The following TRPC4 variants were observed in gnomAD, a reference collection of about 807,000 sequenced individuals.
The protein encoded by TRPC4 is transient receptor potential cation channel subfamily C member 4.
In TRPC4, 49 loss-of-function variants were observed where a neutral mutation model predicts 99.4. The observed-to-expected ratio is 0.49, with a 90% confidence interval of 0.39 to 0.63. TRPC4 has a LOEUF of 0.63. Ranked by LOEUF, TRPC4 falls within the 20% of genes least tolerant of loss-of-function variation. The pLI, the probability that TRPC4 is intolerant of heterozygous loss-of-function variation, is 0.00. For synonymous variants in TRPC4, 454 were observed against 425.9 expected, an observed-to-expected ratio of 1.07 and a Z score of -0.81; for missense variants, 898 against 1,152.9, an observed-to-expected ratio of 0.78 and a Z score of 3.20.
intron 3 of TRPC4, among the ~76,000 whole-genome samples, chr13:37,728,033 G>T (rs902836935): frequency 6.6e-6 from 1 of 151,894 alleles, no homozygotes; most frequent in Non-Finnish European, 1.5e-5. Context: ...GGCATGGAAG[G>T]AAATTCTTGC....
intron 7 of TRPC4, 139 bp from the exon 8 acceptor site, chr13:37,651,598 C>A (rs1719722061): frequency 2.8e-6 from 2 of 718,354 alleles, no homozygotes; most frequent in Non-Finnish European, 4.6e-6. Flanking sequence ...CACTGACTCC[C>A]AGAGACAGTC....
At chr13:37,797,737 T>C (rs545248966) in intron 1 of TRPC4, among the ~76,000 whole-genome samples, 3 of 152,168 alleles carry the variant, frequency 2.0e-5, no homozygotes, top group Non-Finnish European at 4.4e-5. Flanking sequence ...GAATTTGTCA[T>C]CTCCTAAATA....
At chr13:37,745,436 G>T (rs1352461836) in intron 3 of TRPC4, among the ~76,000 whole-genome samples, 1 of 20,710 alleles carries the variant, frequency 4.8e-5, no homozygotes, top group Non-Finnish European at 1.5e-4. Context: ...ATATATATGC[G>T]TATATATATA....
At chr13:37,685,576 T>A (rs912895853) in intron 4 of TRPC4, among the ~76,000 whole-genome samples, 1 of 152,180 alleles carries the variant, frequency 6.6e-6, no homozygotes, top group Admixed American at 6.5e-5. Flanking sequence ...CTATTGTTAC[T>A]CTGTGCTAAT....
chr13:37,764,383 A>C (rs1956302247), intron 2 of TRPC4, among the ~76,000 whole-genome samples: 1 of 151,322 alleles, frequency 6.6e-6, no homozygotes, highest in Non-Finnish European at 1.5e-5. Flanking sequence ...TAATGTATAG[A>C]CCAACTTTGA....
chr13:37,663,832 A>G, intron 5 of TRPC4, 103 bp from the exon 6 acceptor site: 1 of 1,106,080 alleles, frequency 9.0e-7, no homozygotes, highest in Non-Finnish European at 1.3e-6. Context: ...GAACAAAATA[A>G]TTGATGACTT....
intron 2 of TRPC4, among the ~76,000 whole-genome samples, chr13:37,775,978 A>G (rs748163925): frequency 6.6e-6 from 1 of 151,856 alleles, no homozygotes; most frequent in Non-Finnish European, 1.5e-5. Context: ...CAATGAGACT[A>G]AGGAGGTTAA....
chr13:37,697,406 GCCTGAAATAACAGATAGAT>G (rs1953943412), intron 3 of TRPC4, among the ~76,000 whole-genome samples: 4 of 152,172 alleles, frequency 2.6e-5, no homozygotes, highest in Non-Finnish European at 5.9e-5. Context: ...TGTTAGTTAA[GCCTGAAATAACAGATAGAT>G]TTCGACAGTG....
intron 4 of TRPC4, among the ~76,000 whole-genome samples, 194 bp downstream of exon 4, chr13:37,691,805 G>C (rs1043907606): frequency 2.0e-5 from 3 of 152,190 alleles, no homozygotes; most frequent in Non-Finnish European, 2.9e-5. Context: ...CGTTTCTTAA[G>C]CTGATTTTGT....
chr13:37,750,496 T>A (rs1955904093), intron 2 of TRPC4, among the ~76,000 whole-genome samples: 1 of 152,184 alleles, frequency 6.6e-6, no homozygotes, highest in South Asian at 2.1e-4. Flanking sequence ...TAATGCCTTT[T>A]CTGTTTCAAT....
At position 37,802,839 on chromosome 13, in the gene TRPC4, C is replaced by T. The variant is rs549256142; in HGVS notation, c.-27-19479G>A. 3.9e-5 allele frequency among the ~76,000 whole-genome samples: 6 copies of T among 152,172 alleles called. No homozygotes were observed. In the East Asian group the frequency reaches 5.8e-4, roughly 15 times the overall value. On this transcript the variant is annotated intron_variant, in intron 1 of 10. Transcript: ENST00000379705. ...TCCTTACAGTTTTGCCCACTGATTT[C>T]GGTATACATCAGGGGATCTTGCCTG...
At chr13:37,670,903 C>T (rs1451750703) in intron 5 of TRPC4, among the ~76,000 whole-genome samples, 1 of 152,084 alleles carries the variant, frequency 6.6e-6, no homozygotes, top group Non-Finnish European at 1.5e-5. Flanking sequence ...GATAGATATC[C>T]ACTTGTACTG....
At chr13:37,637,849 C>T (rs1307020608) in intron 10 of TRPC4, among the ~76,000 whole-genome samples, 1 of 152,116 alleles carries the variant, frequency 6.6e-6, no homozygotes, top group Non-Finnish European at 1.5e-5. Context: ...CTTCCTAAGG[C>T]TGATGCAAAA....
chr13:37,776,262 G>A (rs1178719487), intron 2 of TRPC4, among the ~76,000 whole-genome samples: 1 of 151,702 alleles, frequency 6.6e-6, no homozygotes, highest in Non-Finnish European at 1.5e-5. Context: ...TATCAAATTT[G>A]GGGATCCTTT....
intron 6 of TRPC4, among the ~76,000 whole-genome samples, chr13:37,661,315 A>G (rs186523546): frequency 1.4e-4 from 21 of 152,318 alleles, no homozygotes; most frequent in African/African-American, 4.8e-4. Flanking sequence ...ATATGTTATT[A>G]CTTACAAAGA....
chr13:37,745,420 T>A (rs931835406), intron 3 of TRPC4, among the ~76,000 whole-genome samples: 36 of 128,356 alleles, frequency 2.8e-4, no homozygotes, highest in Non-Finnish European at 4.6e-4. Context: ...GGCTGATTAT[T>A]TATATATATA....
intron 3 of TRPC4, among the ~76,000 whole-genome samples, chr13:37,709,484 T>C (rs1702455798): frequency 6.6e-6 from 1 of 152,030 alleles, no homozygotes; most frequent in Non-Finnish European, 1.5e-5. Context: ...AATTTTATAT[T>C]TGAAACAAAT....
At chr13:37,785,291 C>CT (rs1246615103) in intron 1 of TRPC4, among the ~76,000 whole-genome samples, 1 of 151,948 alleles carries the variant, frequency 6.6e-6, no homozygotes, top group Non-Finnish European at 1.5e-5. Flanking sequence ...TCCTTGGCAC[C>CT]TTTTTTCTCA....
chr13:37,720,638 T>C (rs1954839547), intron 3 of TRPC4, among the ~76,000 whole-genome samples: 1 of 152,148 alleles, frequency 6.6e-6, no homozygotes, highest in Non-Finnish European at 1.5e-5. Flanking sequence ...CCTCAGATAA[T>C]GACAGATACA....
Sources: allele counts gnomAD v4.1 joint callset (sites outside exome capture counted in the v4.1 genomes callset), GRCh38; gene constraint gnomAD v4.1.1; transcripts MANE v1.5; gene names NCBI Gene and HGNC (gene_info 2026-07-23, HGNC 2026-07-21).